The following ADAM22 variants were observed in gnomAD, a reference collection of about 807,000 sequenced individuals.
The protein encoded by ADAM22 is ADAM metallopeptidase domain 22.
A neutral mutation model predicts 144.6 loss-of-function variants in ADAM22; 65 were observed. The observed-to-expected ratio is 0.45, with a 90% CI of 0.37 to 0.55. The LOEUF (loss-of-function observed/expected upper bound fraction) is 0.55, where lower values mean the gene tolerates loss of function less well. ADAM22 is among the 20% of genes least tolerant of loss of function. The pLI is 0.00. For missense variants in ADAM22, 974 were observed against 1,184.9 expected, an observed-to-expected ratio of 0.82 and a Z score of 2.61; for synonymous variants, 391 against 412.6, an observed-to-expected ratio of 0.95 and a Z score of 0.63.
Position 87,935,008 on chromosome 7 carries a change from C to T in ADAM22, c.86-18C>T, listed in dbSNP as rs767389497. ...GCCTTTTCTCTCCACTCCCTCCTTT[C>T]CCGGTTCCTGCCTGGAGGAGACGCC... On this transcript the variant is annotated intron_variant, in intron 1 of 31. Coordinates refer to ENST00000413139, the MANE Select transcript of ADAM22 (RefSeq NM_001324418.2). 1 of 1,614,138 alleles carries T rather than the reference C, an allele frequency of 6.2e-7. No homozygotes were observed. Among genetic ancestry groups the T allele is most frequent in the Non-Finnish European group, 8.5e-7 (1 of 1,180,016 alleles).
At chr7:88,077,434 G>A (rs1814919916) in intron 4 of ADAM22, among the ~76,000 whole-genome samples, 1 of 152,218 alleles carries the variant, frequency 6.6e-6, no homozygotes. Context: ...GAAGACGGGT[G>A]ATTTCTGCAT....
chr7:88,150,383 A>G (rs1837987090), intron 18 of ADAM22, among the ~76,000 whole-genome samples: 1 of 152,232 alleles, frequency 6.6e-6, no homozygotes, highest in Non-Finnish European at 1.5e-5. Flanking sequence ...CTGTCTGTTT[A>G]TACTCATTCA....
At chr7:87,970,337 C>G (rs1850137660) in intron 2 of ADAM22, among the ~76,000 whole-genome samples, 1 of 151,888 alleles carries the variant, frequency 6.6e-6, no homozygotes, top group South Asian at 2.1e-4. Flanking sequence ...AGTCAAATGG[C>G]AAATATGTGT....
At chr7:87,940,027 A>G (rs1392964478) in intron 2 of ADAM22, among the ~76,000 whole-genome samples, 2 of 152,018 alleles carry the variant, frequency 1.3e-5, no homozygotes, top group African/African-American at 2.4e-5. Context: ...ACCCGCCTCT[A>G]TGAAGGGTAC....
At chr7:87,949,557 A>T (rs955279833) in intron 2 of ADAM22, among the ~76,000 whole-genome samples, 4 of 152,200 alleles carry the variant, frequency 2.6e-5, no homozygotes, top group Admixed American at 1.3e-4. Context: ...ACAATGATGT[A>T]TGTCTTCTGA....
At chr7:88,139,509 A>ATAT (rs1419933389) in intron 14 of ADAM22, among the ~76,000 whole-genome samples, 1 of 152,124 alleles carries the variant, frequency 6.6e-6, no homozygotes, top group Non-Finnish European at 1.5e-5. Flanking sequence ...TCTGGCAGAG[A>ATAT]TATGTTGGAT....
chr7:88,077,430 G>A (rs757085730), intron 4 of ADAM22, among the ~76,000 whole-genome samples: 2 of 152,148 alleles, frequency 1.3e-5, no homozygotes, highest in African/African-American at 4.8e-5. Flanking sequence ...TGCAGAAGAC[G>A]GGTGATTTCT....
chr7:87,996,683 G>A (rs187268805), intron 3 of ADAM22, among the ~76,000 whole-genome samples: 5 of 152,338 alleles, frequency 3.3e-5, no homozygotes, highest in East Asian at 3.9e-4. Context: ...CTGGGATCAC[G>A]ATACCTTGTA....
rs1003353151 is a variant in ADAM22 at position 88,006,326 on chromosome 7, G to A, written c.323+27914G>A. 5.3e-5 allele frequency among the ~76,000 whole-genome samples: 8 copies of A among 151,984 alleles called. No homozygotes were observed. The East Asian group carries it at 1.5e-3, about 29-fold the overall frequency. On this transcript the variant is annotated intron_variant, in intron 3 of 31. Coordinates refer to ENST00000413139, the MANE Select transcript of ADAM22 (RefSeq NM_001324418.2). ...CAGCCGAATTCTACCAGAGGTGCAA[G>A]GAGGAACTGGTACCATTCCTTCTGA...
rs1850818797 is a variant in ADAM22, at chr7:88,197,597, C to T, written c.*1106C>T. 6.6e-6 allele frequency: 1 copy of T among 152,236 alleles called. No homozygotes were observed. The highest frequency in any genetic ancestry group is 1.5e-5 in the Non-Finnish European group (1 of 68,050). 9.4% of individuals were successfully genotyped at this position (152,236 alleles called of 1,614,324 possible). A position where few individuals can be genotyped will look rare whatever the true frequency, so the allele number is the denominator to read the frequency against. Reference sequence around the variant, plus strand: ...GCTGGTAGCTTCTGGTTTGCCAATACTCTAACCCTTTGTGGCCTGAAGTTT... The same window carrying T: ...GCTGGTAGCTTCTGGTTTGCCAATATTCTAACCCTTTGTGGCCTGAAGTTT... On this transcript the variant is annotated 3_prime_UTR_variant, in exon 32 of 32. Transcript: ENST00000413139.
intron 3 of ADAM22, among the ~76,000 whole-genome samples, chr7:88,065,400 TG>T (rs532160760): frequency 1.0e-3 from 153 of 152,196 alleles, no homozygotes; most frequent in Non-Finnish European, 1.8e-3. Flanking sequence ...TGAATAACAT[TG>T]GGTGATGCTT....
chr7:88,130,350 A>G (rs1217224648), intron 9 of ADAM22, 38 bp from the exon 10 acceptor site: 1 of 1,530,168 alleles, frequency 6.5e-7, no homozygotes. Flanking sequence ...TTTTCTGATC[A>G]CTTTGCAAGA....
chr7:88,153,473 C>A, intron 21 of ADAM22, 147 bp downstream of exon 21: 1 of 632,106 alleles, frequency 1.6e-6, no homozygotes, highest in Non-Finnish European at 2.7e-6. Flanking sequence ...TCCAGCATCA[C>A]CTGTGCAGAG....
At chr7:87,941,368 A>G (rs997895997) in intron 2 of ADAM22, among the ~76,000 whole-genome samples, 1 of 152,176 alleles carries the variant, frequency 6.6e-6, no homozygotes, top group African/African-American at 2.4e-5. Flanking sequence ...GATGAGCTGT[A>G]CTTTACATTG....
At chr7:88,053,669 C>A (rs768528079) in intron 3 of ADAM22, among the ~76,000 whole-genome samples, 1 of 151,556 alleles carries the variant, frequency 6.6e-6, no homozygotes, top group Non-Finnish European at 1.5e-5. Flanking sequence ...AAAAAGATAT[C>A]TTCACTTAGC....
intron 3 of ADAM22, among the ~76,000 whole-genome samples, chr7:87,993,312 G>A (rs1790346552): frequency 6.6e-6 from 1 of 152,030 alleles, no homozygotes; most frequent in Non-Finnish European, 1.5e-5. Context: ...TAAAACCTGG[G>A]AATTTTTATT....
chr7:88,159,229 C>A (rs1476777134), intron 22 of ADAM22, among the ~76,000 whole-genome samples: 2 of 151,944 alleles, frequency 1.3e-5, no homozygotes, highest in Non-Finnish European at 2.9e-5. Context: ...CCTGAACAGA[C>A]CAATAACAAG....
chr7:88,087,599 G>A (rs530656117), intron 4 of ADAM22, among the ~76,000 whole-genome samples: 11 of 152,126 alleles, frequency 7.2e-5, no homozygotes, highest in Non-Finnish European at 1.3e-4. Flanking sequence ...AGACATCTTT[G>A]TAGAGATATG....
At chr7:88,045,521 C>A (rs1804409137) in intron 3 of ADAM22, among the ~76,000 whole-genome samples, 1 of 152,132 alleles carries the variant, frequency 6.6e-6, no homozygotes, top group Non-Finnish European at 1.5e-5. Flanking sequence ...CTTTATCTGT[C>A]ACCTCACGTA....
Sources: allele counts gnomAD v4.1 joint callset (sites outside exome capture counted in the v4.1 genomes callset), GRCh38; gene constraint gnomAD v4.1.1; transcripts MANE v1.5; gene names NCBI Gene and HGNC (gene_info 2026-07-23, HGNC 2026-07-21).